SP140: variants seen among roughly 807,000 people sequenced by gnomAD.
SP140 encodes SP140 nuclear body protein.
Under a neutral mutation model 125.0 loss-of-function variants are expected in SP140, and 81 were observed. The observed-to-expected ratio is 0.65, with a 90% CI of 0.54 to 0.78. SP140 has a LOEUF of 0.78. SP140 is among the 30% of genes least tolerant of loss of function. The probability of loss-of-function intolerance (pLI) is 0.00; values close to 1 mark genes in which losing one functional copy is unlikely to be tolerated. For synonymous variants in SP140, 312 were observed against 354.0 expected, an observed-to-expected ratio of 0.88 and a Z score of 1.33; for missense variants, 858 against 1,037.0, an observed-to-expected ratio of 0.83 and a Z score of 2.37.
At chr2:230,300,101 T>G (rs553771504) in intron 22 of SP140, among the ~76,000 whole-genome samples, 2 of 152,256 alleles carry the variant, frequency 1.3e-5, no homozygotes, top group South Asian at 4.1e-4. Flanking sequence ...AACCGAATAC[T>G]TATCCAGTGA....
At chr2:230,266,403 G>C (rs1422191676) in intron 12 of SP140, among the ~76,000 whole-genome samples, 14 of 152,308 alleles carry the variant, frequency 9.2e-5, no homozygotes, top group Non-Finnish European at 2.9e-5. Flanking sequence ...AGAAGATGCA[G>C]GTATGAGCTT....
intron 9 of SP140, among the ~76,000 whole-genome samples, chr2:230,249,788 A>T (rs1235115233): frequency 6.6e-6 from 1 of 152,212 alleles, no homozygotes; most frequent in Non-Finnish European, 1.5e-5. Context: ...GGGCCTATGG[A>T]GCTGAAGTCA....
At chr2:230,310,356 T>G (rs1285768392) in intron 23 of SP140, 4 of 482,126 alleles carry the variant, frequency 8.3e-6, no homozygotes, top group Non-Finnish European at 1.5e-5. Context: ...GTTGTTTATA[T>G]TTTGTGCTTA....
intron 3 of SP140, among the ~76,000 whole-genome samples, chr2:230,218,348 C>T (rs1211623873): frequency 6.6e-6 from 1 of 152,064 alleles, no homozygotes; most frequent in East Asian, 1.9e-4. Context: ...GAAAAAAATA[C>T]TCATGAAAAG....
chr2:230,214,898 T>G, intron 3 of SP140: 7 of 1,515,568 alleles, frequency 4.6e-6, no homozygotes, highest in Non-Finnish European at 6.4e-6. Context: ...AAACCCAGAC[T>G]TTTACCATAG....
intron 22 of SP140, among the ~76,000 whole-genome samples, chr2:230,303,824 G>T (rs1322386587): frequency 6.6e-6 from 1 of 152,144 alleles, no homozygotes; most frequent in Admixed American, 6.5e-5. Flanking sequence ...AAAGTTGAAA[G>T]CATTCCCTCT....
At chr2:230,200,996 CT>C, upstream of SP140, 1 of 1,529,810 alleles carries the variant, frequency 6.5e-7, no homozygotes. Flanking sequence ...GTAAATGCCC[CT>C]TGGGAAACAC....
the SP140 span, among the ~76,000 whole-genome samples, chr2:230,193,197 G>C: frequency 6.6e-6 from 1 of 152,090 alleles, no homozygotes; most frequent in Non-Finnish European, 1.5e-5. Flanking sequence ...GTTTCCATTT[G>C]CATGGAATAT....
rs1352296730 is a variant in SP140, at chr2:230,312,747, C to T, written c.*63C>T. The T allele has an allele frequency of 2.1e-5, 27 of 1,256,362 alleles. No homozygotes were observed. The highest frequency in any genetic ancestry group is 1.9e-4 in the Middle Eastern group (1 of 5,292). The allele number at this position is 1,256,362 out of a possible 1,614,324, so 77.8% of individuals were successfully genotyped here. A position where few individuals can be genotyped will look rare whatever the true frequency, so the allele number is the denominator to read the frequency against. ...ACCCTAAAATATGCCGCTGGTTTGC[C>T]ACTGACTTCAAAATGAGGTCACTTG... On this transcript the variant is annotated 3_prime_UTR_variant, in exon 27 of 27. Transcript: ENST00000392045.
chr2:230,289,766 C>A (rs183105320), intron 18 of SP140, among the ~76,000 whole-genome samples: 9 of 152,290 alleles, frequency 5.9e-5, no homozygotes, highest in African/African-American at 1.7e-4. Flanking sequence ...TGAGCCACCA[C>A]GCCTGGCCCT....
At chr2:230,254,120 A>C (rs1575034959) in intron 11 of SP140, among the ~76,000 whole-genome samples, 1 of 152,222 alleles carries the variant, frequency 6.6e-6, no homozygotes, top group Non-Finnish European at 1.5e-5. Context: ...AAATTATACA[A>C]ATGGAGGCAA....
chr2:230,291,313 TA>T (rs2057085598), intron 19 of SP140, among the ~76,000 whole-genome samples: 1 of 152,192 alleles, frequency 6.6e-6, no homozygotes, highest in Non-Finnish European at 1.5e-5. Context: ...ACTCACCACT[TA>T]GAGTGTACAA....
At chr2:230,200,920 T>C, upstream of SP140, 1 of 1,614,056 alleles carries the variant, frequency 6.2e-7, no homozygotes, top group Non-Finnish European at 8.5e-7. Flanking sequence ...AGGCGTCTTC[T>C]GGGACCTCTT....
At chr2:230,188,657 C>T in the SP140 span, among the ~76,000 whole-genome samples, 1 of 152,050 alleles carries the variant, frequency 6.6e-6, no homozygotes, top group Non-Finnish European at 1.5e-5. Context: ...TTGAGGTAAG[C>T]CCCTTCTATG....
intron 22 of SP140, among the ~76,000 whole-genome samples, chr2:230,300,941 A>G (rs2058226894): frequency 6.6e-6 from 1 of 152,224 alleles, no homozygotes; most frequent in African/African-American, 2.4e-5. Context: ...AGAGAAATAG[A>G]TATCATAAAT....
At chr2:230,241,702 G>A (rs532006466) in intron 4 of SP140, among the ~76,000 whole-genome samples, 1 of 152,264 alleles carries the variant, frequency 6.6e-6, no homozygotes, top group Admixed American at 6.5e-5. Context: ...AGTCTCCATT[G>A]GTGGAGAATA....
intron 6 of SP140, among the ~76,000 whole-genome samples, chr2:230,245,455 G>C (rs907727255): frequency 6.6e-6 from 1 of 152,160 alleles, no homozygotes; most frequent in Non-Finnish European, 1.5e-5. Context: ...ATGAAATACT[G>C]TATATAGAAG....
chr2:230,273,726 G>C (rs1188954558), intron 15 of SP140, among the ~76,000 whole-genome samples: 1 of 152,192 alleles, frequency 6.6e-6, no homozygotes, highest in African/African-American at 2.4e-5. Flanking sequence ...ACTGGATAAA[G>C]AAAATGTGGT....
At chr2:230,302,140 C>T (rs1192756256) in intron 22 of SP140, among the ~76,000 whole-genome samples, 1 of 151,914 alleles carries the variant, frequency 6.6e-6, no homozygotes, top group Non-Finnish European at 1.5e-5. Flanking sequence ...CAATTACTCA[C>T]TTTGGGAGGC....
Sources: allele counts gnomAD v4.1 joint callset (sites outside exome capture counted in the v4.1 genomes callset), GRCh38; gene constraint gnomAD v4.1.1; transcripts MANE v1.5; gene names NCBI Gene and HGNC (gene_info 2026-07-23, HGNC 2026-07-21).